The following ATP9B variants were observed in gnomAD, a reference collection of about 807,000 sequenced individuals.
ATP9B encodes the protein ATPase phospholipid transporting 9B, also known as probable phospholipid-transporting ATPase IIB.
Under a neutral mutation model 146.1 loss-of-function variants are expected in ATP9B, and 110 were observed. The ratio of observed to expected loss-of-function variants is 0.75; its 90% confidence interval spans 0.65 to 0.88. The LOEUF is 0.88. Among genes scored for constraint, ATP9B ranks in the 40% least tolerant of loss-of-function variants. ATP9B has a pLI of 0.00. For missense variants in ATP9B, 1,499 were observed against 1,496.4 expected, an observed-to-expected ratio of 1.00 and a Z score of -0.03; for synonymous variants, 604 against 569.7, an observed-to-expected ratio of 1.06 and a Z score of -0.86.
chr18:79,275,901 A>G (rs1354068733), intron 12 of ATP9B, among the ~76,000 whole-genome samples: 1 of 152,272 alleles, frequency 6.6e-6, no homozygotes, highest in Non-Finnish European at 1.5e-5. Flanking sequence ...CTCTATGGAC[A>G]GATAAGTCAA....
At chr18:79,196,737 T>A (rs2095421141) in intron 9 of ATP9B, among the ~76,000 whole-genome samples, 1 of 151,986 alleles carries the variant, frequency 6.6e-6, no homozygotes, top group Non-Finnish European at 1.5e-5. Flanking sequence ...ATTAATTGGA[T>A]CAGAAAGCCT....
At chr18:79,334,378 A>G (rs531030470) in intron 17 of ATP9B, among the ~76,000 whole-genome samples, 1 of 144,040 alleles carries the variant, frequency 6.9e-6, no homozygotes, top group Admixed American at 7.1e-5. Flanking sequence ...AAAAAGTTAG[A>G]AACTGCTAGA....
chr18:79,294,753 C>G (rs775958907), intron 13 of ATP9B, among the ~76,000 whole-genome samples: 3 of 152,124 alleles, frequency 2.0e-5, no homozygotes, highest in Non-Finnish European at 4.4e-5. Context: ...GTGTCTTTCA[C>G]AAATGATACT....
intron 7 of ATP9B, among the ~76,000 whole-genome samples, chr18:79,164,311 T>C (rs2094930679): frequency 1.3e-5 from 2 of 152,192 alleles, no homozygotes; most frequent in Non-Finnish European, 2.9e-5. Flanking sequence ...AATCTTTTCA[T>C]GGCTCTTGAT....
chr18:79,201,021 C>T (rs577190975), intron 9 of ATP9B, among the ~76,000 whole-genome samples: 4 of 152,300 alleles, frequency 2.6e-5, no homozygotes, highest in South Asian at 2.1e-4. Context: ...AGGCACAAGA[C>T]GTGTGCTGAT....
chr18:79,351,957 G>GCCTAATTAAATGCAAAACACA (rs2096924544), intron 25 of ATP9B, among the ~76,000 whole-genome samples: 2 of 152,106 alleles, frequency 1.3e-5, no homozygotes, highest in South Asian at 2.1e-4. Context: ...CCCCGAGAAA[G>GCCTAATTAAATGCAAAACACA]AGAGCTCCTA....
intron 12 of ATP9B, among the ~76,000 whole-genome samples, chr18:79,259,057 A>T (rs1308042190): frequency 5.9e-5 from 9 of 152,174 alleles, no homozygotes; most frequent in Non-Finnish European, 1.5e-5. Context: ...TTGTCCTAAC[A>T]CTCTTAAAAG....
At chr18:79,309,653 C>G (rs35142199) in intron 15 of ATP9B, among the ~76,000 whole-genome samples, 2,365 of 46,776 alleles carry the variant, frequency 0.051, 1 homozygote, top group Middle Eastern at 0.16. Context: ...GGGCTGAGGA[C>G]TGATCCCCAG....
chr18:79,367,713 AG>A (rs1226243920), intron 26 of ATP9B, among the ~76,000 whole-genome samples: 1 of 152,260 alleles, frequency 6.6e-6, no homozygotes, highest in Non-Finnish European at 1.5e-5. Flanking sequence ...TCCCATCACC[AG>A]GGATGAGAGA....
chr18:79,126,944 A>G (rs922967995), intron 5 of ATP9B, among the ~76,000 whole-genome samples: 2 of 152,164 alleles, frequency 1.3e-5, no homozygotes, highest in South Asian at 2.1e-4. Context: ...AAAGGAAGCA[A>G]TGTATTAAGA....
intron 10 of ATP9B, among the ~76,000 whole-genome samples, chr18:79,207,316 T>C (rs990387130): frequency 6.6e-6 from 1 of 152,186 alleles, no homozygotes; most frequent in South Asian, 2.1e-4. Flanking sequence ...TTGTCAGTGT[T>C]CCTTAATGAG....
chr18:79,303,357 G>A (rs1293703470), intron 13 of ATP9B, among the ~76,000 whole-genome samples: 1 of 152,028 alleles, frequency 6.6e-6, no homozygotes, highest in East Asian at 1.9e-4. Context: ...GTGAGACCCA[G>A]TCTCCAAAAA....
chr18:79,178,939 T>C (rs1156339246), intron 8 of ATP9B, among the ~76,000 whole-genome samples: 4 of 152,206 alleles, frequency 2.6e-5, no homozygotes, highest in African/African-American at 9.7e-5. Context: ...ATTGGCGTTA[T>C]TTATTTTTTA....
At chr18:79,319,661 A>G (rs1286001657) in intron 15 of ATP9B, among the ~76,000 whole-genome samples, 3 of 152,222 alleles carry the variant, frequency 2.0e-5, no homozygotes, top group African/African-American at 7.2e-5. Context: ...AAAAGATTTA[A>G]GGAAACCGGC....
At chr18:79,191,632 A>T (rs544878466) in intron 8 of ATP9B, among the ~76,000 whole-genome samples, 1 of 152,290 alleles carries the variant, frequency 6.6e-6, no homozygotes, top group East Asian at 1.9e-4. Context: ...CATTTTTTCA[A>T]TTTTGGAATT....
Position 79,227,037 on chromosome 18 carries a change from G to T in ATP9B, c.1107+12999G>T, listed in dbSNP as rs74761288. 2.2e-3 allele frequency among the ~76,000 whole-genome samples: 337 copies of T among 152,218 alleles called. 2 individuals carry two copies. The highest frequency in any genetic ancestry group is 4.1e-3 in the Non-Finnish European group (281 of 68,010). ...TATACTAGGCACTTCTTGCATTGTCGTATTGTGACTTGTGGTTTTCTCTTT... is the reference window on the plus strand; with the variant it reads ...TATACTAGGCACTTCTTGCATTGTCTTATTGTGACTTGTGGTTTTCTCTTT... On this transcript the variant is annotated intron_variant, in intron 11 of 29. Transcript: ENST00000426216.
In ATP9B at chr18:79,347,862, C is replaced by A; in HGVS notation, c.2775C>A (p.Tyr925Ter). The A allele has an allele frequency of 6.2e-7, 1 of 1,613,792 alleles. No homozygotes were observed. Among genetic ancestry groups the A allele is most frequent in the Non-Finnish European group, 8.5e-7 (1 of 1,179,944 alleles). The change falls in exon 24 of 30, where the codon TAC (tyrosine) becomes TAA (stop). Residue 925 changes from tyrosine (Y) to a stop codon, truncating the protein, a stop_gained. Transcript: ENST00000426216. LOFTEE classifies it high-confidence loss of function. ...TCATGGTGCACGGGCGGAACAGCTA[C>A]AAGAGGTCGGCGGCACTCGGCCAGT... is the stretch of plus-strand genomic sequence containing the variant. ...RLLMVHGRNS[Y>*]KRSAALGQFV...
chr18:79,088,832 A>G (rs940264805), intron 1 of ATP9B, among the ~76,000 whole-genome samples: 12 of 152,220 alleles, frequency 7.9e-5, no homozygotes, highest in African/African-American at 2.4e-4. Flanking sequence ...AATCTTGAAC[A>G]CATTTTAAAT....
At chr18:79,259,808 A>G (rs191286651) in intron 12 of ATP9B, among the ~76,000 whole-genome samples, 7 of 152,324 alleles carry the variant, frequency 4.6e-5, no homozygotes, top group Non-Finnish European at 8.8e-5. Context: ...TTATCAGGTT[A>G]CTTTTCGGTT....
Sources: gnomAD v4.1 joint callset for allele counts (sites outside exome capture counted in the v4.1 genomes callset) on GRCh38, gnomAD v4.1.1 for gene constraint, MANE v1.5 for transcripts, NCBI Gene and HGNC (gene_info 2026-07-23, HGNC 2026-07-21) for gene names.